The following DNASE1 variants were observed in gnomAD, a reference collection of about 807,000 sequenced individuals.
DNASE1 encodes deoxyribonuclease-1.
A neutral mutation model predicts 33.9 loss-of-function variants in DNASE1; 40 were observed. The observed-to-expected ratio is 1.18, with a 90% CI of 0.92 to 1.54. DNASE1 has a LOEUF of 1.54. DNASE1 is among the 40% of genes most tolerant of loss of function. The probability of loss-of-function intolerance (pLI) is 0.00; values close to 1 mark genes in which losing one functional copy is unlikely to be tolerated. For missense variants in DNASE1, 518 were observed against 372.6 expected (o/e 1.39, Z -3.21); for synonymous variants, 216 against 160.0 (o/e 1.35, Z -2.64).
At chr16:3,649,792 T>C (rs1221297468), upstream of DNASE1, among the ~76,000 whole-genome samples, 1 of 152,124 alleles carries the variant, frequency 6.6e-6, no homozygotes, top group Non-Finnish European at 1.5e-5. Context: ...TCAAGTGTTG[T>C]GGGATAAAGG....
intron 1 of DNASE1, among the ~76,000 whole-genome samples, chr16:3,617,965 A>T (rs985376475): frequency 6.6e-6 from 1 of 152,058 alleles, no homozygotes; most frequent in African/African-American, 2.4e-5. Context: ...ATTTTGTAAG[A>T]GCAGCCCAAA....
At chr16:3,659,421 C>G (rs1392926877), downstream of DNASE1, 1 of 152,146 alleles carries the variant, frequency 6.6e-6, no homozygotes, top group Non-Finnish European at 1.5e-5. Context: ...ATGACAAGCA[C>G]AATTCTAGGG....
downstream of DNASE1, chr16:3,662,356 G>A: frequency 1.6e-6 from 1 of 617,962 alleles, no homozygotes. Flanking sequence ...CCACCCTGGT[G>A]CCCCGCTGCT....
At chr16:3,613,923 T>G (rs996274861) in intron 1 of DNASE1, among the ~76,000 whole-genome samples, 2 of 147,092 alleles carry the variant, frequency 1.4e-5, no homozygotes, top group African/African-American at 5.0e-5. Flanking sequence ...TTTTTTTTTT[T>G]TTTTTTTTGG....
intron 1 of DNASE1, among the ~76,000 whole-genome samples, chr16:3,621,668 T>A (rs192131138): frequency 6.6e-5 from 10 of 152,342 alleles, no homozygotes; most frequent in Non-Finnish European, 7.3e-5. Context: ...TACATATAAA[T>A]CTATCATTTT....
intron 1 of DNASE1, among the ~76,000 whole-genome samples, chr16:3,626,213 A>G (rs79809764): frequency 2.0e-4 from 31 of 152,134 alleles, no homozygotes; most frequent in Non-Finnish European, 3.7e-4. Flanking sequence ...AAAAAAAAAA[A>G]TAGAAAAACA....
At chr16:3,662,641 T>C, downstream of DNASE1, 1 of 673,914 alleles carries the variant, frequency 1.5e-6, no homozygotes, top group Non-Finnish European at 2.7e-6. Flanking sequence ...ATGCTGGTTT[T>C]TCAGTTCTCA....
intron 4 of DNASE1, among the ~76,000 whole-genome samples, 200 bp from the exon 5 acceptor site, chr16:3,656,438 G>C (rs1249111841): frequency 9.1e-6 from 1 of 109,450 alleles, no homozygotes; most frequent in Non-Finnish European, 1.8e-5. Flanking sequence ...CCCTCCTGTC[G>C]CCTGGGTCCC....
intron 1 of DNASE1, among the ~76,000 whole-genome samples, chr16:3,636,693 G>A (rs1596596071): frequency 6.6e-6 from 1 of 152,046 alleles, no homozygotes; most frequent in African/African-American, 2.4e-5. Context: ...GGTGGCACAC[G>A]CCCGTAATCC....
chr16:3,629,518 CA>C (rs2041631148), intron 1 of DNASE1, among the ~76,000 whole-genome samples: 1 of 152,068 alleles, frequency 6.6e-6, no homozygotes, highest in Non-Finnish European at 1.5e-5. Context: ...CATCATTGTG[CA>C]TAAGGGATAT....
Position 3,664,215 on chromosome 16 carries a change from G to T in DNASE1, c.*6262G>T, listed in dbSNP as rs1339178849. 3 of 1,469,284 alleles carry T rather than the reference G, an allele frequency of 2.0e-6. No individual in the cohort carries two copies. In the African/African-American group the frequency reaches 4.3e-5, roughly 21 times the overall value. The allele number at this position is 1,469,284 out of a possible 1,614,324, so 91.0% of individuals were successfully genotyped here. A position where few individuals can be genotyped will look rare whatever the true frequency, so the allele number is the denominator to read the frequency against. On this transcript the variant is annotated 3_prime_UTR_variant, in exon 10 of 10. Transcript: ENST00000407479. Reference sequence around the variant, plus strand: ...GGTTCACCCAGCACAGAGCTGAGAAGGTCAAGACCCTCCCCAGGTTGCAGC... The same window carrying T: ...GGTTCACCCAGCACAGAGCTGAGAATGTCAAGACCCTCCCCAGGTTGCAGC...
At chr16:3,626,124 A>G (rs2041501974) in intron 1 of DNASE1, among the ~76,000 whole-genome samples, 1 of 152,134 alleles carries the variant, frequency 6.6e-6, no homozygotes, top group African/African-American at 2.4e-5. Context: ...GATACCACAG[A>G]CTAGAAGATG....
intron 1 of DNASE1, among the ~76,000 whole-genome samples, chr16:3,619,377 T>C (rs547884886): frequency 3.3e-5 from 5 of 150,072 alleles, no homozygotes; most frequent in African/African-American, 1.2e-4. Context: ...TTATTTTTTT[T>C]TGGAGACAGA....
chr16:3,658,881 C>CACCAGAAAAAGCAGCTCAGT, downstream of DNASE1: 1 of 1,613,836 alleles, frequency 6.2e-7, no homozygotes. Context: ...ACACAGAACC[C>CACCAGAAAAAGCAGCTCAGT]ACCAGAAAAA....
At chr16:3,654,588 T>G (rs2042473392), upstream of DNASE1, 1 of 396,772 alleles carries the variant, frequency 2.5e-6, no homozygotes. Context: ...CCCTGCCCTA[T>G]CCTGGAAGAT....
intron 1 of DNASE1, among the ~76,000 whole-genome samples, chr16:3,619,661 G>T (rs146417572): frequency 6.6e-6 from 1 of 150,726 alleles, no homozygotes; most frequent in East Asian, 2.0e-4. Context: ...GTGCCTGGCC[G>T]CCTGTAGGTA....
At position 3,657,925 on chromosome 16, in the gene DNASE1, A is replaced by C. The variant is rs546285847; in HGVS notation, c.821A>C (p.His274Pro). 6.2e-7 allele frequency: 1 copy of C among 1,613,136 alleles called. No individual in the cohort carries two copies. Among genetic ancestry groups the C allele is most frequent in the South Asian group, 1.1e-5 (1 of 91,082 alleles). ...SDQLAQAISD[H>P]YPVEVMLK Reference sequence around the variant, plus strand: ...CTGCAGGCCCAAGCCATCAGTGACCACTATCCAGTGGAGGTGATGCTGAAG... The same window carrying C: ...CTGCAGGCCCAAGCCATCAGTGACCCCTATCCAGTGGAGGTGATGCTGAAG... The change falls in exon 9 of 9, where the codon CAC (histidine) becomes CCC (proline). Residue 274 changes from histidine (H) to proline (P), a missense_variant. By Grantham distance (77) the His-to-Pro change is moderately conservative (BLOSUM62 -2). Transcript: ENST00000246949.
rs2042591969 is a variant in DNASE1 at position 3,656,086 on chromosome 16, T to A, written c.237-16T>A. On this transcript the variant is annotated splice_polypyrimidine_tract_variant and intron_variant, in intron 3 of 8. Transcript: ENST00000246949. ...TATGGCCCCCGCCACTGGGACCTTT[T>A]GTTTCTTCAATCCAGGGATGCACCA... 3.1e-6 allele frequency: 5 copies of A among 1,614,038 alleles called. No individual in the cohort carries two copies. The highest frequency in any genetic ancestry group is 3.4e-6 in the Non-Finnish European group (4 of 1,179,972).
Position 3,657,055 on chromosome 16 carries a change from G to A in DNASE1, c.493G>A (p.Glu165Lys), listed in dbSNP as rs535355164. 86 of 1,613,974 alleles carry A rather than the reference G, an allele frequency of 5.3e-5. 1 individual carries two copies. In the South Asian group the frequency reaches 8.5e-4, roughly 16 times the overall value. The change falls in exon 6 of 9, where the codon GAG becomes AAG. Residue 165 changes from glutamate (E) to lysine (K), a missense_variant. Transcript: ENST00000246949. ...TGCGGCCCCGGGGGACGCAGTAGCC[G>A]AGATCGACGCTCTCTATGACGTCTA... The part of the protein sequence containing the change: ...LHAAPGDAVA[E>K]IDALYDVYLD...
Sources: allele counts gnomAD v4.1 joint callset (sites outside exome capture counted in the v4.1 genomes callset), GRCh38; gene constraint gnomAD v4.1.1; transcripts MANE v1.5; gene names NCBI Gene and HGNC (gene_info 2026-07-23, HGNC 2026-07-21).